The following MIR2052HG variants were observed in gnomAD, a reference collection of about 807,000 sequenced individuals.
MIR2052HG encodes MIR2052 host gene.
intron 2 of MIR2052HG, among the ~76,000 whole-genome samples, chr8:74,684,131 C>T (rs1457042040): frequency 2.0e-5 from 3 of 152,034 alleles, no homozygotes; most frequent in African/African-American, 7.2e-5. Flanking sequence ...GCAGTTAGAC[C>T]ACACCATGAA....
At chr8:74,752,473 A>G in exon 5 of MIR2052HG, 1 of 456,102 alleles carries the variant, frequency 2.2e-6, no homozygotes, top group Non-Finnish European at 4.4e-6. Context: ...AGATCAACAC[A>G]TTCTCCAAAC....
chr8:74,696,483 A>G (rs1204401423), intron 2 of MIR2052HG, among the ~76,000 whole-genome samples: 3 of 152,170 alleles, frequency 2.0e-5, no homozygotes, highest in African/African-American at 7.2e-5. Flanking sequence ...TCAAAGCAGA[A>G]GTAAATGAAA....
chr8:74,637,831 A>G (rs185606834), intron 2 of MIR2052HG, among the ~76,000 whole-genome samples: 275 of 152,228 alleles, frequency 1.8e-3, no homozygotes, highest in African/African-American at 6.4e-3. Flanking sequence ...TTTCCCTTCA[A>G]TGCTCTACTT....
intron 2 of MIR2052HG, among the ~76,000 whole-genome samples, chr8:74,673,077 A>G (rs1436317590): frequency 6.6e-6 from 1 of 152,092 alleles, no homozygotes; most frequent in East Asian, 1.9e-4. Flanking sequence ...TAAAGAAAGA[A>G]GAGGCAAAAA....
At chr8:74,681,711 C>T (rs190492361) in intron 2 of MIR2052HG, among the ~76,000 whole-genome samples, 1 of 152,252 alleles carries the variant, frequency 6.6e-6, no homozygotes, top group East Asian at 1.9e-4. Flanking sequence ...CTTATGTTCT[C>T]ACATAATATT....
intron 4 of MIR2052HG, among the ~76,000 whole-genome samples, chr8:74,747,262 G>T (rs977541464): frequency 1.3e-5 from 2 of 152,146 alleles, no homozygotes; most frequent in African/African-American, 4.8e-5. Flanking sequence ...GGAAAGCAAC[G>T]TAACTGTTTC....
At chr8:74,686,478 C>T (rs918101051) in intron 2 of MIR2052HG, among the ~76,000 whole-genome samples, 1 of 151,924 alleles carries the variant, frequency 6.6e-6, no homozygotes, top group Non-Finnish European at 1.5e-5. Context: ...TACTGAGTGC[C>T]AGCTATATGC....
At chr8:74,705,423 A>G (rs1375405375) in intron 4 of MIR2052HG, among the ~76,000 whole-genome samples, 2 of 152,072 alleles carry the variant, frequency 1.3e-5, no homozygotes, top group Non-Finnish European at 2.9e-5. Context: ...TGTAAAAGTC[A>G]TATATTTTCA....
intron 2 of MIR2052HG, among the ~76,000 whole-genome samples, chr8:74,681,542 A>T (rs1251936800): frequency 6.6e-6 from 1 of 152,176 alleles, no homozygotes; most frequent in Non-Finnish European, 1.5e-5. Context: ...TTGAAATTTA[A>T]TTGCCAATGT....
chr8:74,736,351 G>A (rs1285671904), intron 4 of MIR2052HG, among the ~76,000 whole-genome samples: 1 of 152,080 alleles, frequency 6.6e-6, no homozygotes, highest in Non-Finnish European at 1.5e-5. Flanking sequence ...CTATTGTAAT[G>A]TGATATTTTA....
Position 74,708,543 on chromosome 8 carries a change from G to T in MIR2052HG, n.371+4861G>T, listed in dbSNP as rs1323891974. 5.9e-5 allele frequency among the ~76,000 whole-genome samples: 9 copies of T among 152,152 alleles called. No homozygotes were observed. The East Asian group carries it at 1.5e-3, about 26-fold the overall frequency. The stretch of plus-strand genomic sequence containing the variant: ...GACAGCAAAATTTAAATCCCAGGAG[G>T]TCTCTTCCTCATCTCTCTTGGACCC... On this transcript the variant is annotated intron_variant and non_coding_transcript_variant, in intron 4 of 6. Transcript: ENST00000523442.
intron 2 of MIR2052HG, among the ~76,000 whole-genome samples, chr8:74,665,363 G>A (rs761277923): frequency 1.4e-4 from 21 of 152,128 alleles, no homozygotes; most frequent in Non-Finnish European, 2.2e-4. Flanking sequence ...ATAAACTTAC[G>A]GGGAGAATAA....
chr8:74,671,114 G>A (rs1313738594), intron 2 of MIR2052HG, among the ~76,000 whole-genome samples: 3 of 64,632 alleles, frequency 4.6e-5, no homozygotes, highest in Non-Finnish European at 8.5e-5. Context: ...GAGAGTGTAC[G>A]TGTGTGTGTG....
At chr8:74,693,613 G>A (rs191866772) in intron 2 of MIR2052HG, among the ~76,000 whole-genome samples, 19 of 151,108 alleles carry the variant, frequency 1.3e-4, no homozygotes, top group East Asian at 4.0e-4. Flanking sequence ...GCGGGGGCGG[G>A]GGGGGAGGGG....
At chr8:74,673,127 G>A (rs186857713) in intron 2 of MIR2052HG, among the ~76,000 whole-genome samples, 4 of 152,202 alleles carry the variant, frequency 2.6e-5, no homozygotes, top group Admixed American at 1.3e-4. Flanking sequence ...AGGAATTCCA[G>A]CTGTTTGGAC....
chr8:74,728,841 A>G (rs1210520908), intron 4 of MIR2052HG, among the ~76,000 whole-genome samples: 2 of 152,176 alleles, frequency 1.3e-5, no homozygotes, highest in African/African-American at 4.8e-5. Flanking sequence ...CTAATAACAA[A>G]CATACACTTC....
chr8:74,729,667 G>GA (rs1249850375), intron 4 of MIR2052HG, among the ~76,000 whole-genome samples: 3 of 152,108 alleles, frequency 2.0e-5, no homozygotes, highest in Non-Finnish European at 4.4e-5. Context: ...ATAGAAAATA[G>GA]AAAATTAGAC....
At chr8:74,691,207 C>G (rs11994596) in intron 2 of MIR2052HG, among the ~76,000 whole-genome samples, 2,756 of 152,226 alleles carry the variant, frequency 0.018, 83 homozygotes, top group African/African-American at 0.064. Context: ...GACTCTAGAG[C>G]CTGATGGCCA....
intron 2 of MIR2052HG, among the ~76,000 whole-genome samples, chr8:74,692,478 A>G (rs1809249535): frequency 6.6e-6 from 1 of 152,236 alleles, no homozygotes; most frequent in East Asian, 1.9e-4. Flanking sequence ...GGAGGTAGAA[A>G]GTGAAAAAGG....
Sources: allele counts gnomAD v4.1 joint callset (sites outside exome capture counted in the v4.1 genomes callset), GRCh38; gene constraint gnomAD v4.1.1; transcripts MANE v1.5; gene names NCBI Gene and HGNC (gene_info 2026-07-23, HGNC 2026-07-21).